The following PPP1R9A variants were observed in gnomAD, a reference collection of about 807,000 sequenced individuals.
PPP1R9A encodes neurabin-1.
A neutral mutation model predicts 141.9 loss-of-function variants in PPP1R9A; 59 were observed. The observed-to-expected ratio is 0.42, with a 90% CI of 0.34 to 0.52. The LOEUF (loss-of-function observed/expected upper bound fraction) is 0.52, where lower values mean the gene tolerates loss of function less well. Ranked by LOEUF, PPP1R9A falls within the 20% of genes least tolerant of loss-of-function variation. The probability of loss-of-function intolerance (pLI) is 0.10; values close to 1 mark genes in which losing one functional copy is unlikely to be tolerated. For synonymous variants in PPP1R9A, 500 were observed against 569.7 expected (o/e 0.88, Z 1.74); for missense variants, 1,444 against 1,611.9 (o/e 0.90, Z 1.78).
intron 7 of PPP1R9A, among the ~76,000 whole-genome samples, chr7:95,219,683 A>G (rs1022146622): frequency 1.3e-5 from 2 of 152,108 alleles, no homozygotes; most frequent in Admixed American, 6.6e-5. Context: ...AAATAAATAT[A>G]TATGCTGGGC....
intron 5 of PPP1R9A, among the ~76,000 whole-genome samples, chr7:95,179,778 CAAAAA>C (rs61054939): frequency 2.1e-5 from 2 of 97,004 alleles, no homozygotes; most frequent in African/African-American, 7.8e-5. Flanking sequence ...ACAATAGCTG[CAAAAA>C]AAAAAAAAAA....
At chr7:95,085,612 G>A (rs1362443672) in intron 2 of PPP1R9A, among the ~76,000 whole-genome samples, 1 of 151,032 alleles carries the variant, frequency 6.6e-6, no homozygotes, top group African/African-American at 2.4e-5. Context: ...ACGGGGTTTC[G>A]CCATATTGGC....
At chr7:94,939,817 TACAC>T (rs4014722) in intron 2 of PPP1R9A, among the ~76,000 whole-genome samples, 58,838 of 145,052 alleles carry the variant, frequency 0.41, 12,364 homozygotes, top group South Asian at 0.58. Flanking sequence ...TATATATGTG[TACAC>T]ACACACACAC....
intron 16 of PPP1R9A, among the ~76,000 whole-genome samples, chr7:95,279,409 G>T (rs1392654902): frequency 6.6e-6 from 1 of 152,140 alleles, no homozygotes; most frequent in East Asian, 1.9e-4. Flanking sequence ...CCTAAGCCTG[G>T]CCCAGTGAAT....
chr7:95,144,139 C>T (rs1177004422), intron 4 of PPP1R9A, among the ~76,000 whole-genome samples: 1 of 152,042 alleles, frequency 6.6e-6, no homozygotes, highest in Non-Finnish European at 1.5e-5. Flanking sequence ...CTTTGACAAA[C>T]CTCTCCCCAT....
At chr7:95,035,582 T>C (rs913142450) in intron 2 of PPP1R9A, 1 of 152,206 alleles carries the variant, frequency 6.6e-6, no homozygotes, top group African/African-American at 2.4e-5. Context: ...TCACTATTCA[T>C]ATAACAAGAT....
Position 94,911,220 on chromosome 7 carries a change from C to T in PPP1R9A, c.1107C>T (p.Phe369=). Residue 369 remains phenylalanine, a synonymous_variant, in exon 2 of 20, where the codon TTC becomes TTT. Transcript: ENST00000433360. ...QQRKELAGGD[F]TSPDASASSC... ...GGAAAGAACTTGCAGGTGGTGATTT[C>T]ACCTCTCCTGATGCTTCTGCATCCA... The T allele has an allele frequency of 6.2e-7, 1 of 1,614,194 alleles. No homozygotes were observed. The highest frequency in any genetic ancestry group is 8.5e-7 in the Non-Finnish European group (1 of 1,180,030).
chr7:95,173,456 A>G (rs2152758650), intron 5 of PPP1R9A, among the ~76,000 whole-genome samples: 1 of 152,106 alleles, frequency 6.6e-6, no homozygotes, highest in South Asian at 2.1e-4. Context: ...GCAATATAAC[A>G]ATTTAAAAAT....
chr7:94,952,218 C>T (rs1017237839), intron 2 of PPP1R9A, among the ~76,000 whole-genome samples: 1 of 151,998 alleles, frequency 6.6e-6, no homozygotes, highest in Admixed American at 6.6e-5. Context: ...GTTTTCTGTC[C>T]CTGTGTTAGT....
chr7:95,081,412 A>AGGAAGAGATAT (rs1815812387), intron 2 of PPP1R9A, among the ~76,000 whole-genome samples: 1 of 152,208 alleles, frequency 6.6e-6, no homozygotes, highest in African/African-American at 2.4e-5. Flanking sequence ...AAAACGTATT[A>AGGAAGAGATAT]GGAAGAGATA....
intron 8 of PPP1R9A, among the ~76,000 whole-genome samples, chr7:95,226,985 C>A (rs952142664): frequency 2.0e-5 from 3 of 152,170 alleles, no homozygotes; most frequent in African/African-American, 7.2e-5. Flanking sequence ...AGAAATGTGT[C>A]ATTATTTACA....
At chr7:95,126,011 C>T (rs976688696) in intron 4 of PPP1R9A, among the ~76,000 whole-genome samples, 1 of 152,018 alleles carries the variant, frequency 6.6e-6, no homozygotes, top group African/African-American at 2.4e-5. Flanking sequence ...GTCCCCTATT[C>T]GATGGTTTCC....
chr7:95,022,221 C>T (rs1419810907), intron 2 of PPP1R9A, among the ~76,000 whole-genome samples: 1 of 152,086 alleles, frequency 6.6e-6, no homozygotes, highest in Non-Finnish European at 1.5e-5. Flanking sequence ...GTATTTTATT[C>T]TCTTTGTAGC....
At chr7:95,118,763 G>A (rs1052745859) in intron 3 of PPP1R9A, among the ~76,000 whole-genome samples, 25 of 149,068 alleles carry the variant, frequency 1.7e-4, no homozygotes, top group African/African-American at 6.2e-4. Context: ...TTGAGCCCAG[G>A]AGGTTGAGAC....
chr7:95,267,884 C>A (rs1051783364), intron 12 of PPP1R9A, among the ~76,000 whole-genome samples: 1 of 152,048 alleles, frequency 6.6e-6, no homozygotes, highest in Non-Finnish European at 1.5e-5. Context: ...TAAGTACTTA[C>A]GATTTTTTAA....
chr7:94,951,542 T>C (rs1010592479), intron 2 of PPP1R9A, among the ~76,000 whole-genome samples: 8 of 152,158 alleles, frequency 5.3e-5, no homozygotes, highest in African/African-American at 1.9e-4. Flanking sequence ...GTACTTTTCA[T>C]GTTAAACCAC....
At chr7:95,271,187 G>T (rs1418740380) in intron 14 of PPP1R9A, among the ~76,000 whole-genome samples, 2 of 152,184 alleles carry the variant, frequency 1.3e-5, no homozygotes, top group African/African-American at 2.4e-5. Flanking sequence ...ACACAAAAGT[G>T]AGCCAGTAGG....
At chr7:95,231,853 C>T (rs1334399661) in intron 8 of PPP1R9A, among the ~76,000 whole-genome samples, 1 of 152,000 alleles carries the variant, frequency 6.6e-6, no homozygotes, top group Non-Finnish European at 1.5e-5. Context: ...CAAGAACAAT[C>T]CAAACCCAAA....
chr7:95,230,920 G>T (rs746071586), intron 8 of PPP1R9A, among the ~76,000 whole-genome samples: 1 of 152,106 alleles, frequency 6.6e-6, no homozygotes, highest in Non-Finnish European at 1.5e-5. Context: ...TACTAACATT[G>T]AATGTAAATG....
Sources: gnomAD v4.1 joint callset for allele counts (sites outside exome capture counted in the v4.1 genomes callset) on GRCh38, gnomAD v4.1.1 for gene constraint, MANE v1.5 for transcripts, NCBI Gene and HGNC (gene_info 2026-07-23, HGNC 2026-07-21) for gene names.